The following POC1B variants were observed in gnomAD, a reference collection of about 807,000 sequenced individuals.
The protein encoded by POC1B is POC1 centriolar protein homolog B.
In POC1B, 44 loss-of-function variants were observed where a neutral mutation model predicts 60.6. That is an observed-to-expected ratio of 0.73 (90% CI 0.57 to 0.93). POC1B has a LOEUF of 0.93. POC1B is among the 40% of genes least tolerant of loss of function. The probability of loss-of-function intolerance (pLI) is 0.00; values close to 1 mark genes in which losing one functional copy is unlikely to be tolerated. For synonymous variants in POC1B, 180 were observed against 198.9 expected (o/e 0.90, Z 0.80); for missense variants, 555 against 572.3 (o/e 0.97, Z 0.31).
At position 89,466,855 on chromosome 12, in the gene POC1B, C is replaced by A; in HGVS notation, c.947G>T (p.Arg316Ile). ...ATGTGGTGGTGAATCAAAATGTAAT[C>A]TTTTGAGATTTCTTTTGGTAAGACC... ...CKGLTKRNLKRLHFDSPPHLL... is the reference protein window; with the variant it reads ...CKGLTKRNLKILHFDSPPHLL... Residue 316 changes from arginine (R) to isoleucine (I), a missense_variant, in exon 9 of 12, where the codon AGA (arginine) becomes ATA (isoleucine). Coordinates refer to ENST00000313546, the MANE Select transcript of POC1B (RefSeq NM_172240.3). The A allele has an allele frequency of 6.2e-7, 1 of 1,612,282 alleles. No individual in the cohort carries two copies. Among genetic ancestry groups the A allele is most frequent in the African/African-American group, 1.3e-5 (1 of 74,974 alleles).
chr12:89,481,744 G>A (rs572304579), intron 4 of POC1B, among the ~76,000 whole-genome samples: 2 of 152,250 alleles, frequency 1.3e-5, no homozygotes, highest in East Asian at 1.9e-4. Context: ...ACAACTACTG[G>A]GAGGCTGTGA....
chr12:89,422,466 A>G (rs1880581516), intron 11 of POC1B, among the ~76,000 whole-genome samples: 1 of 152,152 alleles, frequency 6.6e-6, no homozygotes, highest in Non-Finnish European at 1.5e-5. Flanking sequence ...CTGCACACTC[A>G]GGGTGCAGCT....
chr12:89,404,683 ACTGT>A, the POC1B span, among the ~76,000 whole-genome samples: 2 of 152,122 alleles, frequency 1.3e-5, no homozygotes, highest in Non-Finnish European at 2.9e-5. Context: ...AACTAACTTG[ACTGT>A]CAGCTCTTCC....
intron 2 of POC1B, chr12:89,524,684 GC>G: frequency 1.1e-6 from 1 of 939,538 alleles, no homozygotes; most frequent in Non-Finnish European, 1.6e-6. Context: ...CTCCTTTCCA[GC>G]CACCCAGGCT....
intron 2 of POC1B, among the ~76,000 whole-genome samples, chr12:89,512,870 A>G (rs1311771164): frequency 6.6e-6 from 1 of 152,218 alleles, no homozygotes; most frequent in Non-Finnish European, 1.5e-5. Context: ...TGAAAAGTGA[A>G]AAGAGCTCAA....
At chr12:89,421,472 A>AAAACCCAAACTG (rs1880529946) in intron 11 of POC1B, among the ~76,000 whole-genome samples, 1 of 152,194 alleles carries the variant, frequency 6.6e-6, no homozygotes, top group Non-Finnish European at 1.5e-5. Context: ...AGAAAAAGAA[A>AAAACCCAAACTG]AAACCCAAAC....
At chr12:89,440,310 G>C (rs1219912729) in intron 10 of POC1B, among the ~76,000 whole-genome samples, 1 of 152,140 alleles carries the variant, frequency 6.6e-6, no homozygotes, top group African/African-American at 2.4e-5. Flanking sequence ...CATGCACTGG[G>C]CTTTCTACTC....
In POC1B at chr12:89,420,991, T is replaced by C. The variant is rs1370955318; in HGVS notation, c.*162A>G. 2.0e-6 allele frequency: 1 copy of C among 496,962 alleles called. No homozygotes were observed. The highest frequency in any genetic ancestry group is 3.1e-5 in the Admixed American group (1 of 32,264). 30.8% of individuals were successfully genotyped at this position (496,962 alleles called of 1,614,324 possible). Reference sequence around the variant, plus strand: ...ATGTGTTTAAATTAGTCCTTAGGTATGCCTTTTCTGCCTTTTGTTCTGTTG... The same window carrying C: ...ATGTGTTTAAATTAGTCCTTAGGTACGCCTTTTCTGCCTTTTGTTCTGTTG... On this transcript the variant is annotated 3_prime_UTR_variant, in exon 12 of 12. Coordinates refer to ENST00000313546, the MANE Select transcript of POC1B (RefSeq NM_172240.3).
At chr12:89,499,992 G>T in intron 2 of POC1B, 1 of 825,596 alleles carries the variant, frequency 1.2e-6, no homozygotes, top group Non-Finnish European at 2.0e-6. Context: ...CTTGGCCGCC[G>T]CCTGGTAGTC....
intron 2 of POC1B, chr12:89,500,961 C>T (rs1049438640): frequency 6.7e-6 from 6 of 889,786 alleles, no homozygotes; most frequent in Non-Finnish European, 9.1e-6. Flanking sequence ...AGGAATTGTT[C>T]CACCTCATTC....
At chr12:89,430,708 T>C (rs565777336) in intron 10 of POC1B, among the ~76,000 whole-genome samples, 2 of 152,218 alleles carry the variant, frequency 1.3e-5, no homozygotes, top group Non-Finnish European at 2.9e-5. Context: ...CCTTATTATA[T>C]TTGTGTTTAC....
At chr12:89,524,124 A>C (rs1382254921) in intron 2 of POC1B, 3 of 1,614,056 alleles carry the variant, frequency 1.9e-6, no homozygotes, top group Non-Finnish European at 2.5e-6. Context: ...CGTTATAGAA[A>C]GCAATGATAA....
intron 4 of POC1B, among the ~76,000 whole-genome samples, chr12:89,483,725 C>T (rs1267851951): frequency 6.6e-6 from 1 of 152,136 alleles, no homozygotes; most frequent in Admixed American, 6.5e-5. Flanking sequence ...AATTCTACAT[C>T]TCAGCAAAAA....
intron 4 of POC1B, among the ~76,000 whole-genome samples, chr12:89,488,758 A>T (rs944041138): frequency 2.0e-5 from 3 of 152,174 alleles, no homozygotes; most frequent in Admixed American, 6.5e-5. Flanking sequence ...AAGTGCTGGG[A>T]TTACGGGCAT....
intron 4 of POC1B, among the ~76,000 whole-genome samples, chr12:89,482,067 A>G (rs1365799453): frequency 6.6e-6 from 1 of 152,240 alleles, no homozygotes; most frequent in Non-Finnish European, 1.5e-5. Context: ...ATCACAGGAC[A>G]TATGAAGCAG....
chr12:89,440,645 G>T (rs1000612713), intron 10 of POC1B, among the ~76,000 whole-genome samples: 4 of 152,154 alleles, frequency 2.6e-5, no homozygotes, highest in African/African-American at 9.7e-5. Flanking sequence ...CAGAATTAGA[G>T]GAGAGTAGGT....
At position 89,526,043 on chromosome 12, in the gene POC1B, C is replaced by T. The variant is rs2135787226; in HGVS notation, c.-148G>A. The T allele has an allele frequency of 6.5e-7, 1 of 1,533,888 alleles. No individual in the cohort carries two copies. Among genetic ancestry groups the T allele is most frequent in the Non-Finnish European group, 8.7e-7 (1 of 1,145,260 alleles). ...CCCGGTCACTACAACAACGGCGGCC[C>T]AGTCAAACCCCGCGCTCCAGGCATG... is the stretch of plus-strand genomic sequence containing the variant. On this transcript the variant is annotated 5_prime_UTR_variant, in exon 1 of 12. Transcript: ENST00000313546.
intron 4 of POC1B, among the ~76,000 whole-genome samples, chr12:89,481,543 C>A (rs1476690092): frequency 6.6e-6 from 1 of 152,126 alleles, no homozygotes; most frequent in East Asian, 1.9e-4. Flanking sequence ...AAACAGAAAT[C>A]AGAACTCAGG....
intron 2 of POC1B, chr12:89,524,900 C>A (rs11105310): frequency 0.22 from 160,326 of 726,746 alleles, 19,240 homozygotes; most frequent in South Asian, 0.36. Context: ...AGGCCCAGAC[C>A]GCTGGATAGG....
Sources: allele counts gnomAD v4.1 joint callset (sites outside exome capture counted in the v4.1 genomes callset), GRCh38; gene constraint gnomAD v4.1.1; transcripts MANE v1.5; gene names NCBI Gene and HGNC (gene_info 2026-07-23, HGNC 2026-07-21).